FLRT2: variants seen among roughly 807,000 people sequenced by gnomAD.
The protein encoded by FLRT2 is fibronectin leucine rich transmembrane protein 2.
Under a neutral mutation model 40.0 loss-of-function variants are expected in FLRT2, and 15 were observed. The observed-to-expected ratio is 0.38, with a 90% CI of 0.25 to 0.58. FLRT2 has a LOEUF of 0.58. Ranked by LOEUF, FLRT2 falls within the 20% of genes least tolerant of loss-of-function variation. FLRT2 has a pLI of 0.71. For missense variants in FLRT2, 726 were observed against 840.0 expected (o/e 0.86, Z 1.68); for synonymous variants, 380 against 336.8 (o/e 1.13, Z -1.41).
In FLRT2 at chr14:85,625,723, T is replaced by G. The variant is rs1392039250; in HGVS notation, c.*2226T>G. The G allele has an allele frequency of 6.0e-6, 1 of 167,130 alleles. No homozygotes were observed. Among genetic ancestry groups the G allele is most frequent in the Non-Finnish European group, 1.5e-5 (1 of 68,154 alleles). The allele number at this position is 167,130 out of a possible 1,614,324, so 10.4% of individuals were successfully genotyped here. ...ACAATGACATGGGGGCTTTGTGTAC[T>G]TAGCTGGATAATTCCCTTCTACTGT... is the stretch of plus-strand genomic sequence containing the variant. On this transcript the variant is annotated 3_prime_UTR_variant, in exon 2 of 2. Coordinates refer to ENST00000330753, the MANE Select transcript of FLRT2 (RefSeq NM_013231.6).
intron 1 of FLRT2, chr14:85,562,737 A>T (rs535414728): frequency 1.3e-5 from 2 of 151,678 alleles, no homozygotes; most frequent in East Asian, 3.9e-4. Flanking sequence ...ACGGGAAAGA[A>T]TGTCGTCACA....
Position 85,621,176 on chromosome 14 carries a change from A to T in FLRT2, c.-339A>T. ...GCTTAACCAAGAAGTTCGTAGGCTA[A>T]TCAAGGCTGGCTTGACCTACAAAAG... is the stretch of plus-strand genomic sequence containing the variant. On this transcript the variant is annotated 5_prime_UTR_variant, in exon 2 of 2. Transcript: ENST00000330753. 1 of 309,708 alleles carries T rather than the reference A, an allele frequency of 3.2e-6. No homozygotes were observed. Among genetic ancestry groups the T allele is most frequent in the East Asian group, 5.7e-5 (1 of 17,696 alleles). 19.2% of individuals were successfully genotyped at this position (309,708 alleles called of 1,614,324 possible).
At chr14:85,574,419 G>A (rs972491806) in intron 1 of FLRT2, among the ~76,000 whole-genome samples, 5 of 152,084 alleles carry the variant, frequency 3.3e-5, no homozygotes, top group Non-Finnish European at 7.4e-5. Flanking sequence ...ATGCCATAGA[G>A]CCAGGAAAAT....
chr14:85,618,512 A>G (rs1893233839), intron 1 of FLRT2, among the ~76,000 whole-genome samples: 2 of 152,198 alleles, frequency 1.3e-5, no homozygotes, highest in South Asian at 2.1e-4. Context: ...TTAATGTCCT[A>G]CTAGGCATTA....
intron 1 of FLRT2, among the ~76,000 whole-genome samples, chr14:85,570,093 T>A (rs984176445): frequency 6.6e-6 from 1 of 152,210 alleles, no homozygotes; most frequent in Non-Finnish European, 1.5e-5. Context: ...CTCCAGCTTC[T>A]GATATTAACA....
At chr14:85,599,097 T>C (rs964789614) in intron 1 of FLRT2, among the ~76,000 whole-genome samples, 1 of 151,968 alleles carries the variant, frequency 6.6e-6, no homozygotes, top group African/African-American at 2.4e-5. Flanking sequence ...TCTTTTTGTA[T>C]TTTTAGTAGA....
rs944781939 is a variant in FLRT2 at position 85,639,335 on chromosome 14, C to T, written c.*15838C>T. The T allele has an allele frequency of 6.6e-6, 1 of 152,216 alleles. No homozygotes were observed. The highest frequency in any genetic ancestry group is 2.4e-5 in the African/African-American group (1 of 41,528). 9.4% of individuals were successfully genotyped at this position (152,216 alleles called of 1,614,324 possible). On this transcript the variant is annotated 3_prime_UTR_variant, in exon 2 of 2. Coordinates refer to ENST00000330753, the MANE Select transcript of FLRT2 (RefSeq NM_013231.6). ...AATCTTGACAGGAGTAAAAGATAATCGAATTCTCTTTGTGAAGTGATTTAT... is the reference window on the plus strand; with the variant it reads ...AATCTTGACAGGAGTAAAAGATAATTGAATTCTCTTTGTGAAGTGATTTAT...
chr14:85,614,181 G>A (rs1318496953), intron 1 of FLRT2, among the ~76,000 whole-genome samples: 1 of 152,088 alleles, frequency 6.6e-6, no homozygotes, highest in Non-Finnish European at 1.5e-5. Flanking sequence ...GTGTGCCCAA[G>A]TTAACACAAC....
chr14:85,642,912 G>C lies in FLRT2; in HGVS notation c.*19415G>C, dbSNP rs1254392326. The C allele has an allele frequency of 6.6e-6, 1 of 152,208 alleles. No individual in the cohort carries two copies. Among genetic ancestry groups the C allele is most frequent in the Non-Finnish European group, 1.5e-5 (1 of 68,044 alleles). 9.4% of individuals were successfully genotyped at this position (152,208 alleles called of 1,614,324 possible). On this transcript the variant is annotated 3_prime_UTR_variant, in exon 2 of 2. Coordinates refer to ENST00000330753, the MANE Select transcript of FLRT2 (RefSeq NM_013231.6). Reference sequence around the variant, plus strand: ...CTGTAACAAAAATACCATAGACTGAGTGGCTTAAACAATAAACATTTATTA... The same window carrying C: ...CTGTAACAAAAATACCATAGACTGACTGGCTTAAACAATAAACATTTATTA...
chr14:85,623,664 A>G lies in FLRT2; in HGVS notation c.*167A>G. On this transcript the variant is annotated 3_prime_UTR_variant, in exon 2 of 2. Transcript: ENST00000330753. ...GTGTACTATATAATGGGATTTAAAA[A>G]AAGTGCTATCTTTTCTATTTCAAGT... 2.0e-6 allele frequency: 1 copy of G among 507,368 alleles called. No homozygotes were observed. Among genetic ancestry groups the G allele is most frequent in the Non-Finnish European group, 3.3e-6 (1 of 302,716 alleles). The allele number at this position is 507,368 out of a possible 1,614,324, so 31.4% of individuals were successfully genotyped here.
intron 1 of FLRT2, among the ~76,000 whole-genome samples, chr14:85,572,327 T>C (rs1383440968): frequency 6.6e-6 from 1 of 152,224 alleles, no homozygotes; most frequent in Non-Finnish European, 1.5e-5. Flanking sequence ...TTATCAGTTA[T>C]ACCACTTTGG....
At chr14:85,609,730 A>G (rs1892777536) in intron 1 of FLRT2, among the ~76,000 whole-genome samples, 1 of 152,162 alleles carries the variant, frequency 6.6e-6, no homozygotes, top group Non-Finnish European at 1.5e-5. Context: ...GAGCTGGGGG[A>G]GCAGCCCCGC....
At chr14:85,608,156 T>C (rs568799249) in intron 1 of FLRT2, among the ~76,000 whole-genome samples, 1 of 152,290 alleles carries the variant, frequency 6.6e-6, no homozygotes, top group South Asian at 2.1e-4. Flanking sequence ...GACTTCAACA[T>C]ATGAGTTTTG....
intron 1 of FLRT2, among the ~76,000 whole-genome samples, chr14:85,553,438 G>A (rs969061606): frequency 6.6e-6 from 1 of 152,008 alleles, no homozygotes; most frequent in Non-Finnish European, 1.5e-5. Context: ...ATTGTCTGGG[G>A]CCACACATGA....
intron 1 of FLRT2, among the ~76,000 whole-genome samples, chr14:85,564,569 A>G (rs1890529506): frequency 6.6e-6 from 1 of 152,202 alleles, no homozygotes; most frequent in South Asian, 2.1e-4. Context: ...GACATTGGCA[A>G]AAGGGCTAGT....
In FLRT2 at chr14:85,643,089, C is replaced by T. The variant is rs1231070912; in HGVS notation, c.*19592C>T. The T allele has an allele frequency of 1.3e-5, 2 of 152,036 alleles. No individual in the cohort carries two copies. Among genetic ancestry groups the T allele is most frequent in the Non-Finnish European group, 2.9e-5 (2 of 68,026 alleles). 9.4% of individuals were successfully genotyped at this position (152,036 alleles called of 1,614,324 possible). On this transcript the variant is annotated 3_prime_UTR_variant, in exon 2 of 2. Transcript: ENST00000330753. ...GTCATTATTCTCAACATGAGGGCTCCACCCTTATGGATTAATTGCCTCCCA... is the reference window on the plus strand; with the variant it reads ...GTCATTATTCTCAACATGAGGGCTCTACCCTTATGGATTAATTGCCTCCCA...
intron 1 of FLRT2, among the ~76,000 whole-genome samples, chr14:85,611,915 A>AGC (rs1566755732): frequency 1.1e-5 from 1 of 94,824 alleles, no homozygotes; most frequent in South Asian, 3.3e-4. Flanking sequence ...CGTGCGCGAA[A>AGC]GCGTGTGTGT....
chr14:85,547,998 A>G (rs1173889043), intron 1 of FLRT2, among the ~76,000 whole-genome samples: 2 of 152,244 alleles, frequency 1.3e-5, no homozygotes, highest in African/African-American at 4.8e-5. Context: ...CTCAGTGAGC[A>G]GAGTGGTGAC....
In FLRT2 at chr14:85,622,901, G is replaced by C; in HGVS notation, c.1387G>C (p.Gly463Arg). 1 of 1,614,210 alleles carries C rather than the reference G, an allele frequency of 6.2e-7. No homozygotes were observed. The highest frequency in any genetic ancestry group is 1.6e-4 in the Middle Eastern group (1 of 6,062). ...TWVKMGHSLVGGIVQERIVSG... is the reference protein window; with the variant it reads ...TWVKMGHSLVRGIVQERIVSG... ...GGTGAAAATGGGCCACAGTTTAGTA[G>C]GGGGCATCGTTCAGGAGCGCATAGT... Residue 463 changes from glycine to arginine, a missense_variant, in exon 2 of 2, where the codon GGG becomes CGG. This residue lies in a region of FLRT2 where 611 missense variants were observed against 690.0 expected (regional missense o/e 0.89). Transcript: ENST00000330753.
Sources: gnomAD v4.1 joint callset for allele counts (sites outside exome capture counted in the v4.1 genomes callset) on GRCh38, gnomAD v4.1.1 for gene constraint, gnomAD v4.1.1 regional missense constraint, MANE v1.5 for transcripts, NCBI Gene and HGNC (gene_info 2026-07-23, HGNC 2026-07-21) for gene names.